The following ABI3 variants were observed in gnomAD, a reference collection of about 807,000 sequenced individuals.
ABI3 encodes the protein ABI family member 3.
A neutral mutation model predicts 37.0 loss-of-function variants in ABI3; 24 were observed. That is an observed-to-expected ratio of 0.65 (90% CI 0.47 to 0.91). The LOEUF (loss-of-function observed/expected upper bound fraction) is 0.91, where lower values mean the gene tolerates loss of function less well. Ranked by LOEUF, ABI3 falls within the 40% of genes least tolerant of loss-of-function variation. The pLI is 0.00. For synonymous variants in ABI3, 220 were observed against 211.8 expected (o/e 1.04, Z -0.34); for missense variants, 481 against 485.1 (o/e 0.99, Z 0.08).
Position 49,220,478 on chromosome 17 carries a change from G to A in ABI3, c.802+152G>A. ...ACAGGGGCGAAAGGAGACAGAGGAA[G>A]TGAACTAACATAACTTAGCGCCTGC... On this transcript the variant is annotated intron_variant, in intron 6 of 7. Coordinates refer to ENST00000225941, the MANE Select transcript of ABI3 (RefSeq NM_016428.3). The A allele has an allele frequency of 8.8e-6, 9 of 1,023,908 alleles. No individual in the cohort carries two copies. In the South Asian group the frequency reaches 1.4e-4, roughly 15 times the overall value. 63.4% of individuals were successfully genotyped at this position (1,023,908 alleles called of 1,614,324 possible).
intron 7 of ABI3, 97 bp downstream of exon 7, chr17:49,222,322 C>G: frequency 1.3e-6 from 2 of 1,486,900 alleles, no homozygotes; most frequent in Non-Finnish European, 1.8e-6. Flanking sequence ...ATCTATCCCC[C>G]GGGCCCCCCA....
chr17:49,212,161 C>T (rs1445778940), intron 1 of ABI3, among the ~76,000 whole-genome samples: 1 of 151,842 alleles, frequency 6.6e-6, no homozygotes, highest in Admixed American at 6.6e-5. Context: ...CATATGTAGC[C>T]CAGGCTGGTC....
At position 49,217,642 on chromosome 17, in the gene ABI3, T is replaced by TC. The variant is rs113223751; in HGVS notation, c.286-88dup. 4.6e-4 allele frequency: 519 copies of TC among 1,127,706 alleles called. 1 individual carries two copies. Among genetic ancestry groups the TC allele is most frequent in the African/African-American group, 1.8e-3 (107 of 60,192 alleles). 69.9% of individuals were successfully genotyped at this position (1,127,706 alleles called of 1,614,324 possible). ...CCCTCTTTTTCTAGACCTGGCTGCC[T>TC]CCCCCCCCCAGCCCAGTCTTTATCT... On this transcript the variant is annotated intron_variant, in intron 2 of 7. Coordinates refer to ENST00000225941, the MANE Select transcript of ABI3 (RefSeq NM_016428.3).
At position 49,219,697 on chromosome 17, in the gene ABI3, T is replaced by G. The variant is rs1363291026; in HGVS notation, c.548+72T>G. 1 of 1,472,488 alleles carries G rather than the reference T, an allele frequency of 6.8e-7. No individual in the cohort carries two copies. Among genetic ancestry groups the G allele is most frequent in the Non-Finnish European group, 9.2e-7 (1 of 1,081,256 alleles). 91.2% of individuals were successfully genotyped at this position (1,472,488 alleles called of 1,614,324 possible). ...ACCCTGAAACTCTCCTCCCCCAGCC[T>G]CGCCACCCACCCCTGGCGCCCCCGG... On this transcript the variant is annotated intron_variant, in intron 4 of 7. Coordinates refer to ENST00000225941, the MANE Select transcript of ABI3 (RefSeq NM_016428.3). This position sits in a 1 kb window ranked among gnomAD's most constrained non-coding sequence, Gnocchi z 4.3.
Position 49,215,728 on chromosome 17 carries a change from C to T in ABI3, c.118-803C>T, listed in dbSNP as rs1241529302. Among the ~76,000 whole-genome samples, 7 of 151,868 alleles carry T rather than the reference C, an allele frequency of 4.6e-5. No homozygotes were observed. The East Asian group carries it at 1.4e-3, about 30-fold the overall frequency. ...AGCCAGGCTGGTCTCAAACTCCCGA[C>T]CTCAAGTGATTTGCCCGCCTGGGCC... is the stretch of plus-strand genomic sequence containing the variant. On this transcript the variant is annotated intron_variant, in intron 1 of 7. Coordinates refer to ENST00000225941, the MANE Select transcript of ABI3 (RefSeq NM_016428.3).
At chr17:49,221,266 C>G (rs910408111) in intron 6 of ABI3, among the ~76,000 whole-genome samples, 1 of 151,536 alleles carries the variant, frequency 6.6e-6, no homozygotes, top group African/African-American at 2.4e-5. Context: ...GTCAGGAGAT[C>G]GAGACCATCC....
In ABI3 at chr17:49,216,550, C is replaced by T. The variant is rs143540619; in HGVS notation, c.137C>T (p.Ala46Val). The stretch of plus-strand genomic sequence containing the variant: ...TTTCAGGCCACAGACAAGCGGAAGG[C>T]GCTGGAGGAGACCATGGCCTTCACT... ...NYVQATDKRK[A>V]LEETMAFTTQ... The change falls in exon 2 of 8, where the codon GCG becomes GTG. Residue 46 changes from alanine to valine, a missense_variant. Coordinates refer to ENST00000225941, the MANE Select transcript of ABI3 (RefSeq NM_016428.3). 2.1e-5 allele frequency: 33 copies of T among 1,600,850 alleles called. No homozygotes were observed. The highest frequency in any genetic ancestry group is 6.7e-5 in the African/African-American group (5 of 74,470).
In ABI3 at chr17:49,219,793, C is replaced by T. The variant is rs2043261306; in HGVS notation, c.549-65C>T. On this transcript the variant is annotated intron_variant, in intron 4 of 7. Coordinates refer to ENST00000225941, the MANE Select transcript of ABI3 (RefSeq NM_016428.3). This position sits in a 1 kb window ranked among gnomAD's most constrained non-coding sequence, Gnocchi z 4.3. ...CGGCCACCTGCCCTTCCTGCTCGCA[C>T]CCGACCCCTGCTGGCCAGAAGCCTT... The T allele has an allele frequency of 6.0e-6, 9 of 1,500,060 alleles. No homozygotes were observed. The highest frequency in any genetic ancestry group is 1.4e-5 in the African/African-American group (1 of 72,108). 92.9% of individuals were successfully genotyped at this position (1,500,060 alleles called of 1,614,324 possible). A position where few individuals can be genotyped will look rare whatever the true frequency, so the allele number is the denominator to read the frequency against.
chr17:49,222,496 G>A, intron 7 of ABI3, 56 bp from the exon 8 acceptor site: 3 of 1,585,790 alleles, frequency 1.9e-6, no homozygotes, highest in Non-Finnish European at 2.6e-6. Context: ...GGTGGGGGGT[G>A]AGGGGGAGAG....
intron 6 of ABI3, 42 bp downstream of exon 6, chr17:49,220,368 T>C: frequency 4.6e-6 from 7 of 1,528,750 alleles, no homozygotes; most frequent in Non-Finnish European, 6.2e-6. Context: ...TGGGGTCGCT[T>C]TTCTGCCTCC....
intron 1 of ABI3, among the ~76,000 whole-genome samples, chr17:49,214,733 C>A (rs1226857322): frequency 6.6e-6 from 1 of 152,168 alleles, no homozygotes; most frequent in Non-Finnish European, 1.5e-5. Context: ...AAAAAAACTT[C>A]TTGCCTTCAG....
chr17:49,218,643 GT>G (rs1423412629), intron 3 of ABI3, among the ~76,000 whole-genome samples: 2 of 149,888 alleles, frequency 1.3e-5, no homozygotes, highest in African/African-American at 5.0e-5. Context: ...CGCTCTTGTT[GT>G]CCAGGTTGGA....
At chr17:49,213,043 C>T (rs1378834028) in intron 1 of ABI3, among the ~76,000 whole-genome samples, 2 of 152,228 alleles carry the variant, frequency 1.3e-5, no homozygotes, top group African/African-American at 2.4e-5. Flanking sequence ...AGTTCTGCCA[C>T]CTACCAACTA....
At chr17:49,216,283 A>G (rs1052758085) in intron 1 of ABI3, among the ~76,000 whole-genome samples, 1 of 152,034 alleles carries the variant, frequency 6.6e-6, no homozygotes, top group Non-Finnish European at 1.5e-5. Context: ...GAGAATGGGT[A>G]TCTTTCCCTC....
At chr17:49,218,470 C>T (rs1216503137) in intron 3 of ABI3, among the ~76,000 whole-genome samples, 2 of 152,196 alleles carry the variant, frequency 1.3e-5, no homozygotes, top group African/African-American at 4.8e-5. Context: ...ATTCCTGTCT[C>T]CACACCTTAA....
chr17:49,215,191 G>T (rs754847328), intron 1 of ABI3, among the ~76,000 whole-genome samples: 4 of 152,148 alleles, frequency 2.6e-5, no homozygotes, highest in Non-Finnish European at 5.9e-5. Flanking sequence ...AAGGCCCCGA[G>T]GCAGAAACAG....
At chr17:49,213,652 C>A (rs959314029) in intron 1 of ABI3, among the ~76,000 whole-genome samples, 4 of 152,222 alleles carry the variant, frequency 2.6e-5, no homozygotes, top group Admixed American at 2.0e-4. Flanking sequence ...CCTGTCCCTG[C>A]GGACCTAACT....
At chr17:49,214,687 G>T (rs2043203116) in intron 1 of ABI3, among the ~76,000 whole-genome samples, 1 of 152,162 alleles carries the variant, frequency 6.6e-6, no homozygotes, top group Non-Finnish European at 1.5e-5. Flanking sequence ...TCCAGCCTGG[G>T]CAACAAGAGC....
At chr17:49,222,427 A>G (rs55978930) in intron 7 of ABI3, 125 bp from the exon 8 acceptor site, 394,723 of 1,394,152 alleles carry the variant, frequency 0.28, 60,461 homozygotes, top group Non-Finnish European at 0.32. Flanking sequence ...GAAGGCTTGC[A>G]AGAAGGCCCC....
Sources: gnomAD v4.1 joint callset for allele counts (sites outside exome capture counted in the v4.1 genomes callset) on GRCh38, gnomAD v4.1.1 for gene constraint, Gnocchi (gnomAD v3.1) non-coding constraint, MANE v1.5 for transcripts, NCBI Gene and HGNC (gene_info 2026-07-23, HGNC 2026-07-21) for gene names.